Variants in CPEB3 observed in about 807,000 individuals in gnomAD.
CPEB3 encodes cytoplasmic polyadenylation element-binding protein 3.
In CPEB3, 20 loss-of-function variants were observed where a neutral mutation model predicts 67.2. The observed-to-expected ratio is 0.30, with a 90% CI of 0.21 to 0.43. The LOEUF is 0.43. Ranked by LOEUF, CPEB3 falls within the 20% of genes least tolerant of loss-of-function variation. The pLI is 1.00. For synonymous variants in CPEB3, 376 were observed against 393.1 expected (o/e 0.96, Z 0.51); for missense variants, 746 against 968.6 (o/e 0.77, Z 3.05).
At chr10:92,291,181 G>C (rs566120489), upstream of CPEB3, 2 of 487,218 alleles carry the variant, frequency 4.1e-6, no homozygotes, top group African/African-American at 4.2e-5. Context: ...CACAAAGGTA[G>C]CTCCTCCGCC....
intron 8 of CPEB3, 22 bp downstream of exon 8, chr10:92,091,808 T>G (rs374710766): frequency 7.2e-7 from 1 of 1,393,286 alleles, no homozygotes; most frequent in African/African-American, 1.4e-5. Flanking sequence ...TTTGTTGTTG[T>G]GGTATTACTA....
At chr10:92,158,990 G>GT (rs1847337738) in intron 4 of CPEB3, among the ~76,000 whole-genome samples, 1 of 152,200 alleles carries the variant, frequency 6.6e-6, no homozygotes, top group African/African-American at 2.4e-5. Flanking sequence ...GGCTGGGTGT[G>GT]GTGGCTCACA....
chr10:92,230,486 T>C (rs533000512), intron 2 of CPEB3, among the ~76,000 whole-genome samples: 100 of 152,338 alleles, frequency 6.6e-4, no homozygotes, highest in African/African-American at 2.4e-3. Flanking sequence ...ATTTATTATT[T>C]CTGAGAATTA....
chr10:92,100,337 G>C (rs574686279), intron 7 of CPEB3, among the ~76,000 whole-genome samples: 17 of 152,208 alleles, frequency 1.1e-4, no homozygotes, highest in Admixed American at 3.3e-4. Context: ...GCAATGGCAC[G>C]ATCTCTGCTC....
intron 2 of CPEB3, chr10:92,216,709 G>A (rs1306845119): frequency 6.2e-7 from 1 of 1,606,670 alleles, no homozygotes. Context: ...CCACCTGTGT[G>A]ATAATGGTCA....
chr10:92,195,402 T>G (rs975193555), intron 2 of CPEB3, among the ~76,000 whole-genome samples: 1 of 152,230 alleles, frequency 6.6e-6, no homozygotes, highest in Admixed American at 6.5e-5. Flanking sequence ...ATTTGTTTTG[T>G]TTTGGTTCAA....
intron 2 of CPEB3, among the ~76,000 whole-genome samples, chr10:92,232,683 G>A (rs896849306): frequency 1.9e-4 from 29 of 151,840 alleles, no homozygotes; most frequent in African/African-American, 7.0e-4. Context: ...ACTTGAACCC[G>A]GGAGGCAGAG....
chr10:92,188,320 TAAAAAAAAAAA>T (rs756970118), intron 3 of CPEB3, among the ~76,000 whole-genome samples: 11 of 36,966 alleles, frequency 3.0e-4, no homozygotes, highest in African/African-American at 1.4e-3. Flanking sequence ...TAAGACATAG[TAAAAAAAAAAA>T]AAAAAAAAAA....
Position 92,174,039 on chromosome 10 carries a change from T to C in CPEB3, c.1222+6924A>G, listed in dbSNP as rs537228281. Reference sequence around the variant, plus strand: ...CTCAAGATAATTCCTTTACTATACTTTTTTATGCTACCAAGAAATTATTTA... The same window carrying C: ...CTCAAGATAATTCCTTTACTATACTCTTTTATGCTACCAAGAAATTATTTA... On this transcript the variant is annotated intron_variant, in intron 4 of 9. Coordinates refer to ENST00000265997, the MANE Select transcript of CPEB3 (RefSeq NM_014912.5). 3.9e-5 allele frequency among the ~76,000 whole-genome samples: 6 copies of C among 152,344 alleles called. No homozygotes were observed. In the East Asian group the frequency reaches 9.6e-4, roughly 24 times the overall value.
intron 7 of CPEB3, among the ~76,000 whole-genome samples, chr10:92,099,223 CTTT>C (rs11286697): frequency 1.9e-4 from 27 of 142,354 alleles, no homozygotes; most frequent in Non-Finnish European, 2.3e-4. Context: ...GTCTTTTCGT[CTTT>C]TTTTTTTTTT....
At chr10:92,252,249 G>A (rs1293077461) in intron 1 of CPEB3, among the ~76,000 whole-genome samples, 1 of 151,998 alleles carries the variant, frequency 6.6e-6, no homozygotes, top group Non-Finnish European at 1.5e-5. Flanking sequence ...GGCTAGAACT[G>A]GAAAAGGCAG....
intron 4 of CPEB3, among the ~76,000 whole-genome samples, chr10:92,149,044 G>C (rs1257699575): frequency 6.6e-6 from 1 of 152,004 alleles, no homozygotes; most frequent in East Asian, 1.9e-4. Context: ...GGGATTATAG[G>C]CATGTGCCAC....
At chr10:92,259,140 T>G (rs1788322278) in intron 1 of CPEB3, among the ~76,000 whole-genome samples, 2 of 151,530 alleles carry the variant, frequency 1.3e-5, no homozygotes, top group Admixed American at 1.3e-4. Context: ...TTTTTGTATT[T>G]TTAGTAGAGA....
intron 1 of CPEB3, among the ~76,000 whole-genome samples, chr10:92,288,782 T>C (rs1408474969): frequency 3.3e-5 from 5 of 152,214 alleles, no homozygotes; most frequent in Admixed American, 1.3e-4. Context: ...GTTAAGATCT[T>C]AGAATCTTGG....
At chr10:92,145,256 A>C in intron 4 of CPEB3, 171 bp from the exon 5 acceptor site, 1 of 661,888 alleles carries the variant, frequency 1.5e-6, no homozygotes, top group Non-Finnish European at 2.5e-6. Flanking sequence ...AGGACTGAAT[A>C]TTACCAGATA....
At chr10:92,219,230 A>C (rs1850582926) in intron 2 of CPEB3, among the ~76,000 whole-genome samples, 1 of 152,188 alleles carries the variant, frequency 6.6e-6, no homozygotes, top group South Asian at 2.1e-4. Context: ...AAAATGGGCA[A>C]TTGCTTAACT....
chr10:92,242,237 T>C (rs184601287), intron 1 of CPEB3, among the ~76,000 whole-genome samples: 2 of 152,280 alleles, frequency 1.3e-5, no homozygotes, highest in East Asian at 3.9e-4. Flanking sequence ...TTCCCCTGCC[T>C]TTCCTCCCTT....
rs1457106383 is a variant in CPEB3 at position 92,048,523 on chromosome 10, G to C, written c.*3689C>G. ...CTTCATTCTCAGGGCCACAGGTTTG[G>C]CTGCACCTGGTGTTGTATAAATCCA... On this transcript the variant is annotated 3_prime_UTR_variant, in exon 10 of 10. Transcript: ENST00000265997. The surrounding 1 kb of genome is among the most constrained non-coding windows in gnomAD (Gnocchi z 4.1). 1 of 152,362 alleles carries C rather than the reference G, an allele frequency of 6.6e-6. No individual in the cohort carries two copies. The highest frequency in any genetic ancestry group is 2.4e-5 in the African/African-American group (1 of 41,390). 9.4% of individuals were successfully genotyped at this position (152,362 alleles called of 1,614,324 possible). A position where few individuals can be genotyped will look rare whatever the true frequency, so the allele number is the denominator to read the frequency against.
intron 9 of CPEB3, among the ~76,000 whole-genome samples, chr10:92,063,489 G>A (rs1280380738): frequency 6.6e-6 from 1 of 152,234 alleles, no homozygotes; most frequent in Non-Finnish European, 1.5e-5. Context: ...CACCAGCCGG[G>A]CCCAGTGGCT....
Sources: gnomAD v4.1 joint callset for allele counts (sites outside exome capture counted in the v4.1 genomes callset) on GRCh38, gnomAD v4.1.1 for gene constraint, Gnocchi (gnomAD v3.1) non-coding constraint, MANE v1.5 for transcripts, NCBI Gene and HGNC (gene_info 2026-07-23, HGNC 2026-07-21) for gene names.